The following KCNMB4 variants were observed in gnomAD, a reference collection of about 807,000 sequenced individuals.
KCNMB4 encodes the protein calcium-activated potassium channel subunit beta-4.
A neutral mutation model predicts 20.7 loss-of-function variants in KCNMB4; 3 were observed. The observed-to-expected ratio is 0.14, with a 90% CI of 0.07 to 0.37. The LOEUF (loss-of-function observed/expected upper bound fraction) is 0.37. Among genes scored for constraint, KCNMB4 ranks in the 10% least tolerant of loss-of-function variants. KCNMB4 has a pLI of 1.00. For missense variants in KCNMB4, 168 were observed against 265.9 expected, an observed-to-expected ratio of 0.63 and a Z score of 2.56; for synonymous variants, 110 against 113.4, an observed-to-expected ratio of 0.97 and a Z score of 0.19.
intron 2 of KCNMB4, among the ~76,000 whole-genome samples, chr12:70,421,646 A>G (rs909573376): frequency 6.6e-6 from 1 of 151,500 alleles, no homozygotes; most frequent in Non-Finnish European, 1.5e-5. Flanking sequence ...CAGTGGCGCA[A>G]TCTTGGCTCA....
chr12:70,421,993 TGAG>T (rs1869078598), intron 2 of KCNMB4, among the ~76,000 whole-genome samples: 1 of 151,826 alleles, frequency 6.6e-6, no homozygotes, highest in Non-Finnish European at 1.5e-5. Flanking sequence ...GAGAATAAAA[TGAG>T]GAGCCGCTGT....
At chr12:70,387,207 G>A (rs1019664924) in intron 1 of KCNMB4, among the ~76,000 whole-genome samples, 13 of 150,368 alleles carry the variant, frequency 8.6e-5, no homozygotes, top group African/African-American at 2.7e-4. Context: ...CATTCCGACA[G>A]CTGTGTGTGA....
At chr12:70,367,096 G>T (rs1369884645) in intron 1 of KCNMB4, 26 bp downstream of exon 1, 3 of 1,482,076 alleles carry the variant, frequency 2.0e-6, no homozygotes, top group Non-Finnish European at 1.8e-6. Flanking sequence ...GCACCCAGGG[G>T]CTCCCCGCGA....
rs117598696 is a variant in KCNMB4 at position 70,378,246 on chromosome 12, G to A, written c.336+11176G>A. 8.4e-4 allele frequency among the ~76,000 whole-genome samples: 128 copies of A among 152,034 alleles called. 3 individuals are homozygous for A. In the East Asian group the frequency reaches 0.011, roughly 13 times the overall value. ...GCTAAGATTACAAGCATGAGCCACCGCGCCCGGCCTTCAAGCTCTACTTCT... is the reference window on the plus strand; with the variant it reads ...GCTAAGATTACAAGCATGAGCCACCACGCCCGGCCTTCAAGCTCTACTTCT... On this transcript the variant is annotated intron_variant, in intron 1 of 2. Coordinates refer to ENST00000258111, the MANE Select transcript of KCNMB4 (RefSeq NM_014505.6).
intron 1 of KCNMB4, among the ~76,000 whole-genome samples, chr12:70,373,079 G>C (rs1883627503): frequency 6.6e-6 from 1 of 152,166 alleles, no homozygotes; most frequent in Non-Finnish European, 1.5e-5. Context: ...GGGTAAGGCT[G>C]GAGAGTAAAT....
rs184321834 is a variant in KCNMB4 at position 70,402,461 on chromosome 12, A to G, written c.464+2125A>G. 1.7e-3 allele frequency among the ~76,000 whole-genome samples: 265 copies of G among 152,060 alleles called. 1 individual carries two copies. Among genetic ancestry groups the G allele is most frequent in the East Asian group, 0.01 (54 of 5,160 alleles). Reference sequence around the variant, plus strand: ...AGTTCAAGGCCAGCCTGGGCAGCGTAGGGAGACCCTGTCTCTACAAAAAAT... The same window carrying G: ...AGTTCAAGGCCAGCCTGGGCAGCGTGGGGAGACCCTGTCTCTACAAAAAAT... On this transcript the variant is annotated intron_variant, in intron 2 of 2. Coordinates refer to ENST00000258111, the MANE Select transcript of KCNMB4 (RefSeq NM_014505.6).
chr12:70,419,736 A>T (rs1385083141), intron 2 of KCNMB4, among the ~76,000 whole-genome samples: 1 of 152,240 alleles, frequency 6.6e-6, no homozygotes, highest in African/African-American at 2.4e-5. Context: ...ATAAAAAATA[A>T]AGTTGAAAAG....
chr12:70,411,101 A>G (rs1868761196), intron 2 of KCNMB4, among the ~76,000 whole-genome samples: 1 of 152,226 alleles, frequency 6.6e-6, no homozygotes. Context: ...AAAATTTGAT[A>G]GACTGATGGA....
intron 1 of KCNMB4, among the ~76,000 whole-genome samples, chr12:70,381,019 C>G (rs1883775999): frequency 6.7e-6 from 1 of 149,914 alleles, no homozygotes; most frequent in Admixed American, 6.6e-5. Context: ...TGTCTAGTAC[C>G]AAGAAAATAA....
At chr12:70,416,547 G>A (rs1868918197) in intron 2 of KCNMB4, among the ~76,000 whole-genome samples, 1 of 152,116 alleles carries the variant, frequency 6.6e-6, no homozygotes, top group African/African-American at 2.4e-5. Context: ...TGAACTGTAA[G>A]TCACCACTTT....
At chr12:70,424,942 C>T (rs1229947467) in intron 2 of KCNMB4, among the ~76,000 whole-genome samples, 1 of 152,188 alleles carries the variant, frequency 6.6e-6, no homozygotes, top group Non-Finnish European at 1.5e-5. Flanking sequence ...TGGCTAATTA[C>T]TCTCAGTAAG....
chr12:70,411,837 G>A (rs182834014), intron 2 of KCNMB4, among the ~76,000 whole-genome samples: 30 of 152,286 alleles, frequency 2.0e-4, no homozygotes, highest in African/African-American at 6.5e-4. Context: ...AATACTGTGC[G>A]TGTATGTCAT....
intron 1 of KCNMB4, among the ~76,000 whole-genome samples, chr12:70,378,911 C>T (rs904770454): frequency 2.6e-5 from 4 of 152,166 alleles, no homozygotes; most frequent in African/African-American, 9.6e-5. Flanking sequence ...GTATGGATGT[C>T]ATGTTAGCAG....
At chr12:70,399,676 T>C (rs1282714410) in intron 1 of KCNMB4, among the ~76,000 whole-genome samples, 1 of 152,208 alleles carries the variant, frequency 6.6e-6, no homozygotes, top group Non-Finnish European at 1.5e-5. Flanking sequence ...GTTAGCAAAA[T>C]ACACTGATTA....
intron 1 of KCNMB4, among the ~76,000 whole-genome samples, chr12:70,381,402 C>T (rs1396850634): frequency 1.3e-5 from 2 of 152,178 alleles, no homozygotes; most frequent in African/African-American, 4.8e-5. Flanking sequence ...GAAACGAAAA[C>T]ATGTCCATGC....
intron 1 of KCNMB4, among the ~76,000 whole-genome samples, chr12:70,369,495 T>C (rs1004880291): frequency 6.6e-6 from 1 of 152,342 alleles, no homozygotes; most frequent in African/African-American, 2.4e-5. Flanking sequence ...CTCTGTTTCT[T>C]TGTAGAATGT....
intron 1 of KCNMB4, among the ~76,000 whole-genome samples, chr12:70,382,564 A>T (rs1187476159): frequency 1.3e-5 from 2 of 152,056 alleles, no homozygotes; most frequent in Non-Finnish European, 2.9e-5. Context: ...TTTTCTAAAC[A>T]TGTAGCAAGG....
At chr12:70,412,070 G>T (rs1350645349) in intron 2 of KCNMB4, among the ~76,000 whole-genome samples, 1 of 152,154 alleles carries the variant, frequency 6.6e-6, no homozygotes, top group Non-Finnish European at 1.5e-5. Context: ...ATGGACATAG[G>T]ACTTGAAGGA....
At chr12:70,402,523 A>G (rs954198313) in intron 2 of KCNMB4, among the ~76,000 whole-genome samples, 1 of 151,808 alleles carries the variant, frequency 6.6e-6, no homozygotes, top group African/African-American at 2.4e-5. Context: ...GTGCACCTGT[A>G]GTCCCAGCTA....
Sources: allele counts gnomAD v4.1 joint callset (sites outside exome capture counted in the v4.1 genomes callset), GRCh38; gene constraint gnomAD v4.1.1; transcripts MANE v1.5; gene names NCBI Gene and HGNC (gene_info 2026-07-23, HGNC 2026-07-21).